Variants in IQGAP1 observed in about 807,000 individuals in gnomAD.
The protein encoded by IQGAP1 is IQ motif containing GTPase activating protein 1.
In IQGAP1, 66 loss-of-function variants were observed where a neutral mutation model predicts 215.6. The observed-to-expected ratio is 0.31, with a 90% CI of 0.25 to 0.38. The LOEUF is 0.38. Ranked by LOEUF, IQGAP1 falls within the 10% of genes least tolerant of loss-of-function variation. IQGAP1 has a pLI of 1.00. For missense variants in IQGAP1, 1,712 were observed against 1,997.1 expected, an observed-to-expected ratio of 0.86 and a Z score of 2.72; for synonymous variants, 772 against 728.7, an observed-to-expected ratio of 1.06 and a Z score of -0.96.
intron 33 of IQGAP1, among the ~76,000 whole-genome samples, chr15:90,490,208 A>C (rs559927256): frequency 6.6e-6 from 1 of 152,372 alleles, no homozygotes; most frequent in East Asian, 1.9e-4. Context: ...AGGATCTGTC[A>C]ACACAGAGGC....
At chr15:90,416,202 G>T (rs1965045157) in intron 2 of IQGAP1, among the ~76,000 whole-genome samples, 1 of 150,618 alleles carries the variant, frequency 6.6e-6, no homozygotes, top group South Asian at 2.1e-4. Context: ...CCCAGTGTGT[G>T]ATGTTCCCAT....
intron 2 of IQGAP1, among the ~76,000 whole-genome samples, chr15:90,400,564 A>G (rs1478697933): frequency 6.6e-6 from 1 of 152,168 alleles, no homozygotes; most frequent in Non-Finnish European, 1.5e-5. Flanking sequence ...AGGTGTTGAA[A>G]TAGATGTGGC....
chr15:90,495,303 A>G (rs1966256353), intron 36 of IQGAP1, among the ~76,000 whole-genome samples: 1 of 152,218 alleles, frequency 6.6e-6, no homozygotes, highest in Non-Finnish European at 1.5e-5. Context: ...GTCATTAGCA[A>G]GCATTTATTG....
chr15:90,486,037 TG>T lies in IQGAP1; in HGVS notation c.3931del (p.Asp1311IlefsTer30). ...GATCATTGGTGTTTGCAGCTCCTGT[TG>T]GATCACCAGGATGCCATTGCTCCGG... ...GEIINTHTLL[L>X]DHQDAIAPEH... is the part of the protein sequence containing the mutation. On this transcript the variant is annotated frameshift_variant, in exon 31 of 38. Coordinates refer to ENST00000268182, the MANE Select transcript of IQGAP1 (RefSeq NM_003870.4). LOFTEE classifies it high-confidence loss of function. 1 of 1,613,674 alleles carries T rather than the reference TG, an allele frequency of 6.2e-7. No individual in the cohort carries two copies.
rs749473786 is a variant in IQGAP1 at position 90,429,584 on chromosome 15, T to C, written c.313-5T>C. On this transcript the variant is annotated splice_region_variant and splice_polypyrimidine_tract_variant and intron_variant, in intron 3 of 37. Coordinates refer to ENST00000268182, the MANE Select transcript of IQGAP1 (RefSeq NM_003870.4). ...ATAATACCTAATTTTCTTTTTTTTT[T>C]CTAGGCGACTGGCCTCCACTTTAGA... The C allele has an allele frequency of 6.3e-6, 10 of 1,578,242 alleles. 1 individual carries two copies. The highest frequency in any genetic ancestry group is 5.5e-5 in the African/African-American group (4 of 72,630).
intron 2 of IQGAP1, chr15:90,391,567 A>G (rs757580248): frequency 2.0e-5 from 3 of 152,408 alleles, no homozygotes; most frequent in Non-Finnish European, 4.4e-5. Context: ...TCCTCCTCCT[A>G]TGACCTGCGG....
intron 6 of IQGAP1, 136 bp downstream of exon 6, chr15:90,439,535 C>T: frequency 1.7e-6 from 1 of 584,044 alleles, no homozygotes; most frequent in Non-Finnish European, 3.0e-6. Flanking sequence ...GAATAACTTG[C>T]TTCTCTAATG....
intron 5 of IQGAP1, 151 bp from the exon 6 acceptor site, chr15:90,439,181 G>A (rs74492107): frequency 9.6e-5 from 40 of 417,438 alleles, no homozygotes; most frequent in East Asian, 4.8e-4. Context: ...GGTAAATAGC[G>A]TATTGTAACT....
chr15:90,500,785 T>C lies in IQGAP1; in HGVS notation c.*677T>C, dbSNP rs1223241825. 1.3e-5 allele frequency: 2 copies of C among 152,448 alleles called. No homozygotes were observed. The highest frequency in any genetic ancestry group is 1.3e-4 in the Admixed American group (2 of 15,266). The allele number at this position is 152,448 out of a possible 1,614,324, so 9.4% of individuals were successfully genotyped here. On this transcript the variant is annotated 3_prime_UTR_variant, in exon 38 of 38. Coordinates refer to ENST00000268182, the MANE Select transcript of IQGAP1 (RefSeq NM_003870.4). ...AATTCTGTTTGTGTAACTCCCCGAC[T>C]AGTGGATGGGAGAGTCCCATTGCTA...
intron 2 of IQGAP1, among the ~76,000 whole-genome samples, chr15:90,395,364 G>A (rs1459404432): frequency 3.3e-5 from 5 of 150,582 alleles, no homozygotes; most frequent in Non-Finnish European, 7.4e-5. Flanking sequence ...TCTGTCGCCC[G>A]GGCCAGAGTG....
intron 2 of IQGAP1, among the ~76,000 whole-genome samples, chr15:90,418,055 T>C (rs1017399510): frequency 2.6e-5 from 4 of 152,214 alleles, no homozygotes; most frequent in African/African-American, 9.7e-5. Flanking sequence ...TATCATCTCC[T>C]ATTGTAGCTA....
At position 90,474,574 on chromosome 15, in the gene IQGAP1, C is replaced by A; in HGVS notation, c.2665C>A (p.Leu889Ile). Residue 889 changes from leucine to isoleucine, a missense_variant, in exon 23 of 38, where the codon CTT (leucine) becomes ATT (isoleucine). Around this residue, in one of 2 missense-constraint regions of IQGAP1, gnomAD observed 1,021 missense variants for 1,074.2 expected, o/e 0.95. Transcript: ENST00000268182. Reference protein sequence around the residue: ...SDQDFQEELDLMKMREEVITL... With the variant: ...SDQDFQEELDIMKMREEVITL... ...CCAGGATTTTCAGGAGGAGCTTGAC[C>A]TTATGAAGATGCGGGAAGAGGTTAT... 6.2e-7 allele frequency: 1 copy of A among 1,614,138 alleles called. No homozygotes were observed. The highest frequency in any genetic ancestry group is 8.5e-7 in the Non-Finnish European group (1 of 1,180,002).
intron 2 of IQGAP1, among the ~76,000 whole-genome samples, chr15:90,420,747 A>C (rs1965121546): frequency 6.6e-6 from 1 of 152,220 alleles, no homozygotes; most frequent in Non-Finnish European, 1.5e-5. Context: ...TTTTGAGACA[A>C]GAGTTTCACT....
chr15:90,499,388 A>G (rs1235621654), intron 37 of IQGAP1, among the ~76,000 whole-genome samples: 3 of 152,232 alleles, frequency 2.0e-5, no homozygotes, highest in Non-Finnish European at 2.9e-5. Context: ...AAAAGATACT[A>G]TGTAATGTGC....
intron 4 of IQGAP1, among the ~76,000 whole-genome samples, chr15:90,432,931 T>C (rs1965322456): frequency 6.6e-6 from 1 of 152,158 alleles, no homozygotes; most frequent in South Asian, 2.1e-4. Flanking sequence ...CTAAATCTAC[T>C]CTGTTCCTAT....
At chr15:90,485,162 A>G (rs961449628) in intron 30 of IQGAP1, among the ~76,000 whole-genome samples, 1 of 152,136 alleles carries the variant, frequency 6.6e-6, no homozygotes, top group African/African-American at 2.4e-5. Flanking sequence ...GTAAAACAGG[A>G]ACAAGGGCAT....
chr15:90,479,576 T>TAAAA (rs34325733), intron 26 of IQGAP1, among the ~76,000 whole-genome samples: 38 of 132,650 alleles, frequency 2.9e-4, no homozygotes, highest in African/African-American at 1.0e-3. Flanking sequence ...TGTCCCTACT[T>TAAAA]AAAAAAAAAA....
At chr15:90,452,723 C>G in intron 11 of IQGAP1, 52 bp from the exon 12 acceptor site, 1 of 1,572,700 alleles carries the variant, frequency 6.4e-7, no homozygotes, top group Non-Finnish European at 8.7e-7. Flanking sequence ...CACCTTCTTC[C>G]CCTGAGGGCT....
intron 34 of IQGAP1, among the ~76,000 whole-genome samples, chr15:90,491,908 G>A (rs576447855): frequency 1.3e-5 from 2 of 152,310 alleles, no homozygotes; most frequent in South Asian, 4.1e-4. Context: ...CTTTGGTGAG[G>A]ACTAAGAGTT....
Sources: allele counts gnomAD v4.1 joint callset (sites outside exome capture counted in the v4.1 genomes callset), GRCh38; gene constraint gnomAD v4.1.1; regional missense constraint gnomAD v4.1.1; transcripts MANE v1.5; gene names NCBI Gene and HGNC (gene_info 2026-07-23, HGNC 2026-07-21).